Variants in KATNIP observed in about 807,000 individuals in gnomAD.
KATNIP encodes the protein katanin-interacting protein.
KATNIP carries 126 observed loss-of-function variants against 174.0 expected under a neutral mutation model. That is an observed-to-expected ratio of 0.72 (90% CI 0.63 to 0.84). The LOEUF (loss-of-function observed/expected upper bound fraction) is 0.84, where lower values mean the gene tolerates loss of function less well. Ranked by LOEUF, KATNIP falls within the 40% of genes least tolerant of loss-of-function variation. The pLI, the probability that KATNIP is intolerant of heterozygous loss-of-function variation, is 0.00. For synonymous variants in KATNIP, 810 were observed against 835.7 expected (o/e 0.97, Z 0.53); for missense variants, 1,958 against 2,109.7 (o/e 0.93, Z 1.41).
chr16:27,590,389 G>A (rs2075127440), intron 2 of KATNIP, among the ~76,000 whole-genome samples: 1 of 150,078 alleles, frequency 6.7e-6, no homozygotes, highest in African/African-American at 2.5e-5. Flanking sequence ...GCCCAGCTTG[G>A]TCTGAACTCC....
chr16:27,775,136 G>A (rs2082451386), intron 24 of KATNIP, 52 bp downstream of exon 24: 2 of 1,578,452 alleles, frequency 1.3e-6, no homozygotes, highest in Non-Finnish European at 8.6e-7. Context: ...GCGGGCAGGG[G>A]GACTTTCTTT....
intron 15 of KATNIP, among the ~76,000 whole-genome samples, chr16:27,742,651 T>C (rs145881599): frequency 1.3e-3 from 196 of 152,272 alleles, no homozygotes; most frequent in Non-Finnish European, 2.6e-3. Context: ...AAAATGACAC[T>C]AATAATACAT....
intron 17 of KATNIP, among the ~76,000 whole-genome samples, chr16:27,753,444 G>T (rs1037072356): frequency 1.3e-5 from 2 of 152,116 alleles, no homozygotes; most frequent in African/African-American, 4.8e-5. Context: ...GTGAGGGGCT[G>T]GGGGGATCAC....
chr16:27,725,508 C>T (rs1466743896), intron 14 of KATNIP, among the ~76,000 whole-genome samples: 1 of 152,120 alleles, frequency 6.6e-6, no homozygotes, highest in Non-Finnish European at 1.5e-5. Flanking sequence ...TTGGTGTTCC[C>T]CAGATTAAGT....
chr16:27,598,396 A>G (rs896589390), intron 2 of KATNIP, among the ~76,000 whole-genome samples: 1 of 152,176 alleles, frequency 6.6e-6, no homozygotes, highest in African/African-American at 2.4e-5. Context: ...CTTCCCGGGC[A>G]GCTGGTTGCT....
chr16:27,690,865 A>G (rs1424471833), intron 8 of KATNIP, among the ~76,000 whole-genome samples: 1 of 152,212 alleles, frequency 6.6e-6, no homozygotes, highest in Non-Finnish European at 1.5e-5. Flanking sequence ...TGGTTCCCAC[A>G]TATGAATACT....
In KATNIP at chr16:27,628,743, G is replaced by T; in HGVS notation, c.223G>T (p.Gly75Cys). The T allele has an allele frequency of 6.2e-7, 1 of 1,614,180 alleles. No homozygotes were observed. Among genetic ancestry groups the T allele is most frequent in the South Asian group, 1.1e-5 (1 of 91,086 alleles). ...GCAAGGTTTCTCTGTCTATGTCAAC[G>T]GTGCCAATTCGGAGCTGAAATCATC... ...LEQGFSVYVN[G>C]ANSELKSSPR... is the part of the protein sequence containing the mutation. The change falls in exon 4 of 28, where the codon GGT becomes TGT. Residue 75 changes from glycine (G) to cysteine (C), a missense_variant. By Grantham distance (159) the Gly-to-Cys change is radical (BLOSUM62 -3). This residue lies in a region of KATNIP where 1,557 missense variants were observed against 1,617.8 expected (regional missense o/e 0.96). Coordinates refer to ENST00000261588, the MANE Select transcript of KATNIP (RefSeq NM_015202.5).
rs2079105281 is a variant in KATNIP, at chr16:27,701,715, C to G, written c.1286+20C>G. On this transcript the variant is annotated intron_variant, in intron 11 of 27. Coordinates refer to ENST00000261588, the MANE Select transcript of KATNIP (RefSeq NM_015202.5). Reference sequence around the variant, plus strand: ...AAGCAGGTACTACTAAGGCTGAGGCCAAACCCGAAACCCCTTAGCAGTGCA... The same window carrying G: ...AAGCAGGTACTACTAAGGCTGAGGCGAAACCCGAAACCCCTTAGCAGTGCA... The G allele has an allele frequency of 6.5e-7, 1 of 1,541,544 alleles. No homozygotes were observed.
intron 5 of KATNIP, among the ~76,000 whole-genome samples, chr16:27,645,230 T>C (rs77922589): frequency 0.022 from 3,336 of 152,330 alleles, 138 homozygotes; most frequent in African/African-American, 0.076. Flanking sequence ...TACAGCCCTG[T>C]GGTGCTGTGT....
intron 13 of KATNIP, among the ~76,000 whole-genome samples, chr16:27,713,802 G>GTGTGTGTGTA (rs1381722732): frequency 2.2e-5 from 1 of 46,322 alleles, no homozygotes; most frequent in African/African-American, 1.0e-4. Flanking sequence ...GTGTGTGTGT[G>GTGTGTGTGTA]TATATACATA....
rs192082454 is a variant in KATNIP, at chr16:27,769,534, C to T, written c.3976-327C>T. 3.9e-5 allele frequency among the ~76,000 whole-genome samples: 6 copies of T among 152,334 alleles called. No homozygotes were observed. The East Asian group carries it at 5.8e-4, about 15-fold the overall frequency. ...CAGCTACTAGTGGTGCACATGGAAG[C>T]GCCTGAGTCCATGCCCTTGACCTCC... On this transcript the variant is annotated intron_variant, in intron 20 of 27. Transcript: ENST00000261588.
intron 6 of KATNIP, among the ~76,000 whole-genome samples, chr16:27,675,992 T>A (rs968173791): frequency 2.6e-5 from 4 of 152,204 alleles, no homozygotes; most frequent in African/African-American, 9.6e-5. Flanking sequence ...ACACCTTTAG[T>A]TTTCTCTCCA....
chr16:27,629,100 G>A lies in KATNIP; in HGVS notation c.310+270G>A, dbSNP rs139469526. 9.8e-3 allele frequency among the ~76,000 whole-genome samples: 1,483 copies of A among 151,572 alleles called. 25 individuals carry two copies. Among genetic ancestry groups the A allele is most frequent in the African/African-American group, 0.035 (1,426 of 41,230 alleles). On this transcript the variant is annotated intron_variant, in intron 4 of 27. Coordinates refer to ENST00000261588, the MANE Select transcript of KATNIP (RefSeq NM_015202.5). ...CAAGAATCACTTAAACCTGGGAGGC[G>A]GAGGTTGCAGTGAGCCGAAATCGCA...
chr16:27,742,074 C>G (rs1049912343), intron 15 of KATNIP, among the ~76,000 whole-genome samples: 5 of 151,432 alleles, frequency 3.3e-5, no homozygotes, highest in African/African-American at 1.2e-4. Flanking sequence ...AGGACTCACC[C>G]TGAGAGCTTT....
Position 27,752,792 on chromosome 16 carries a change from G to A in KATNIP, c.3552+868G>A, listed in dbSNP as rs530236889. Among the ~76,000 whole-genome samples the A allele has an allele frequency of 1.6e-4, 24 of 152,198 alleles. No individual in the cohort carries two copies. In the South Asian group the frequency reaches 4.4e-3, roughly 28 times the overall value. ...TGGTCATGAACTCCTGGACTCAAGCGCTTCTCCCACCTTGGCCTCCCAAAG... is the reference window on the plus strand; with the variant it reads ...TGGTCATGAACTCCTGGACTCAAGCACTTCTCCCACCTTGGCCTCCCAAAG... On this transcript the variant is annotated intron_variant, in intron 17 of 27. Coordinates refer to ENST00000261588, the MANE Select transcript of KATNIP (RefSeq NM_015202.5).
chr16:27,558,886 A>T (rs945463410), intron 1 of KATNIP, among the ~76,000 whole-genome samples: 1 of 152,154 alleles, frequency 6.6e-6, no homozygotes, highest in African/African-American at 2.4e-5. Flanking sequence ...GACTCAGTCG[A>T]ATAAGGTCTA....
At chr16:27,601,069 A>G (rs2075508098) in intron 2 of KATNIP, among the ~76,000 whole-genome samples, 1 of 152,162 alleles carries the variant, frequency 6.6e-6, no homozygotes, top group African/African-American at 2.4e-5. Context: ...GCCACACTGC[A>G]CTGGAGCAAT....
At chr16:27,773,642 A>C (rs1326033774) in intron 23 of KATNIP, among the ~76,000 whole-genome samples, 2 of 152,218 alleles carry the variant, frequency 1.3e-5, no homozygotes, top group Non-Finnish European at 2.9e-5. Context: ...CTGTTAGCCC[A>C]GTGCATTTTA....
Position 27,768,270 on chromosome 16 carries a change from C to T in KATNIP, c.3976-1591C>T, listed in dbSNP as rs201098498. Among the ~76,000 whole-genome samples the T allele has an allele frequency of 1.8e-4, 27 of 152,296 alleles. No homozygotes were observed. The East Asian group carries it at 3.7e-3, about 21-fold the overall frequency. On this transcript the variant is annotated intron_variant, in intron 20 of 27. Transcript: ENST00000261588. ...GGCTTCAAATCCCTTCAGTGGCCCT[C>T]GGGCAAATCACTTAGTCCCTGTGAA...
Sources: allele counts gnomAD v4.1 joint callset (sites outside exome capture counted in the v4.1 genomes callset), GRCh38; gene constraint gnomAD v4.1.1; regional missense constraint gnomAD v4.1.1; transcripts MANE v1.5; gene names NCBI Gene and HGNC (gene_info 2026-07-23, HGNC 2026-07-21).